MUC5AC: variants seen among roughly 807,000 people sequenced by gnomAD.
MUC5AC encodes the protein mucin-5AC.
MUC5AC carries 158 observed loss-of-function variants against 169.7 expected under a neutral mutation model. The observed-to-expected ratio is 0.93, with a 90% confidence interval of 0.82 to 1.06. The LOEUF (loss-of-function observed/expected upper bound fraction) is 1.06, where lower values mean the gene tolerates loss of function less well. Ranked by LOEUF, MUC5AC falls within the 50% of genes least tolerant of loss-of-function variation. The pLI is 0.00. For synonymous variants in MUC5AC, 1,975 were observed against 1,237.0 expected, an observed-to-expected ratio of 1.60 and a Z score of -12.52; for missense variants, 4,359 against 3,089.9, an observed-to-expected ratio of 1.41 and a Z score of -9.74.
intron 40 of MUC5AC, among the ~76,000 whole-genome samples, 188 bp from the exon 41 acceptor site, chr11:1,197,280 C>A (rs981623181): frequency 5.3e-5 from 8 of 152,218 alleles, no homozygotes; most frequent in Non-Finnish European, 1.2e-4. Context: ...AGCCTGCCCA[C>A]CTTGCAGAGC....
At chr11:1,160,113 T>C (rs1860094805) in intron 1 of MUC5AC, among the ~76,000 whole-genome samples, 1 of 152,144 alleles carries the variant, frequency 6.6e-6, no homozygotes. Context: ...GGTGACATTC[T>C]GCACATTAGC....
In MUC5AC at chr11:1,168,977, C is replaced by A. The variant is rs372571340; in HGVS notation, c.1821C>A (p.Pro607=). The A allele has an allele frequency of 6.2e-7, 1 of 1,610,348 alleles. No individual in the cohort carries two copies. Among genetic ancestry groups the A allele is most frequent in the African/African-American group, 1.3e-5 (1 of 74,872 alleles). ...CCTTCAAGACCCAGGCCGCCTGCCC[C>A]AACATCAGGAACAGCTTCGAGGACC... ...FNTFKTQAAC[P]NIRNSFEDPC... is the part of the protein sequence containing the mutation. Residue 607 remains proline, a synonymous_variant, in exon 15 of 49, where the codon CCC becomes CCA. Coordinates refer to ENST00000621226, the MANE Select transcript of MUC5AC (RefSeq NM_001304359.2).
intron 3 of MUC5AC, 139 bp from the exon 4 acceptor site, chr11:1,161,768 G>T: frequency 7.4e-7 from 1 of 1,360,176 alleles, no homozygotes; most frequent in Non-Finnish European, 9.8e-7. Flanking sequence ...GATGCAGGAA[G>T]GACCCCTGGG....
In MUC5AC at chr11:1,175,011, G is replaced by A. The variant is rs1860637865; in HGVS notation, c.2222G>A (p.Cys741Tyr). 4.9e-6 allele frequency: 2 copies of A among 404,270 alleles called. No individual in the cohort carries two copies. Among genetic ancestry groups the A allele is most frequent in the Non-Finnish European group, 8.7e-6 (2 of 229,640 alleles). 25.0% of individuals were successfully genotyped at this position (404,270 alleles called of 1,614,324 possible). A position where few individuals can be genotyped will look rare whatever the true frequency, so the allele number is the denominator to read the frequency against. ...GTTGGCTTCATCCCCGTGGATGGCT[G>A]CATCTGTCCCAAGGGCACCTTCCTG... ...CSVGFIPVDG[C>Y]ICPKGTFLDD... Residue 741 changes from cysteine to tyrosine, a missense_variant, in exon 18 of 49, where the codon TGC becomes TAC. By Grantham distance (194) the Cys-to-Tyr change is radical (BLOSUM62 -2). Coordinates refer to ENST00000621226, the MANE Select transcript of MUC5AC (RefSeq NM_001304359.2).
chr11:1,174,599 G>C lies in MUC5AC; in HGVS notation c.2069G>C (p.Gly690Ala). ...HACAAKGVQL[G>A]GWRDGVCTKP... is the part of the protein sequence containing the mutation. ...TGTGCCGCCAAGGGCGTGCAGCTCG[G>C]CGGCTGGAGGGACGGCGTCTGCAGT... Residue 690 changes from glycine to alanine, a missense_variant, in exon 17 of 49, where the codon GGC (glycine) becomes GCC (alanine). Coordinates refer to ENST00000621226, the MANE Select transcript of MUC5AC (RefSeq NM_001304359.2). The C allele has an allele frequency of 7.3e-7, 1 of 1,371,740 alleles. No homozygotes were observed. The highest frequency in any genetic ancestry group is 1.0e-6 in the Non-Finnish European group (1 of 996,624). 85.0% of individuals were successfully genotyped at this position (1,371,740 alleles called of 1,614,324 possible).
At chr11:1,168,600 C>A (rs34974357) in intron 13 of MUC5AC, 42 bp from the exon 14 acceptor site, 300,223 of 1,612,054 alleles carry the variant, frequency 0.19, 30,426 homozygotes, top group Non-Finnish European at 0.21. Flanking sequence ...TGGGGTCCCG[C>A]CCCACAGCCC....
At chr11:1,171,264 AC>A (rs1860516027) in intron 15 of MUC5AC, among the ~76,000 whole-genome samples, 1 of 98,416 alleles carries the variant, frequency 1.0e-5, no homozygotes, top group African/African-American at 3.9e-5. Context: ...CCACTCACCC[AC>A]TCACTCACCC....
chr11:1,182,494 C>T lies in MUC5AC; in HGVS notation c.4349C>T (p.Pro1450Leu), dbSNP rs987082883. The change falls in exon 31 of 49, where the codon CCG becomes CTG. Residue 1450 changes from proline (P) to leucine (L), a missense_variant. Transcript: ENST00000621226. ...RALGQRVQCS[P>L]DVGLTCRNRE... ...CTGGGGCAGCGTGTGCAGTGCAGCCCGGATGTGGGGCTGACCTGTCGTAAC... is the reference window on the plus strand; with the variant it reads ...CTGGGGCAGCGTGTGCAGTGCAGCCTGGATGTGGGGCTGACCTGTCGTAAC... 94 of 398,640 alleles carry T rather than the reference C, an allele frequency of 2.4e-4. No individual in the cohort carries two copies. Among genetic ancestry groups the T allele is most frequent in the African/African-American group, 1.7e-3 (83 of 48,722 alleles). 24.7% of individuals were successfully genotyped at this position (398,640 alleles called of 1,614,324 possible).
At chr11:1,196,742 T>A in intron 39 of MUC5AC, 22 bp downstream of exon 39, 1 of 741,820 alleles carries the variant, frequency 1.3e-6, no homozygotes, top group South Asian at 1.4e-5. Flanking sequence ...AGGCCGGGGC[T>A]GGGGGGTGTG....
chr11:1,160,597 C>G lies in MUC5AC; in HGVS notation c.74-15C>G, dbSNP rs921215709. Reference sequence around the variant, plus strand: ...CACCCTGCATCTGGGCTCAGCCCCCCTCCTCTTTCTGCAGGCCATGCCCAG... The same window carrying G: ...CACCCTGCATCTGGGCTCAGCCCCCGTCCTCTTTCTGCAGGCCATGCCCAG... On this transcript the variant is annotated splice_polypyrimidine_tract_variant and intron_variant, in intron 1 of 48. Coordinates refer to ENST00000621226, the MANE Select transcript of MUC5AC (RefSeq NM_001304359.2). 1 of 1,602,782 alleles carries G rather than the reference C, an allele frequency of 6.2e-7. No homozygotes were observed. Among genetic ancestry groups the G allele is most frequent in the African/African-American group, 1.3e-5 (1 of 74,804 alleles).
intron 3 of MUC5AC, 98 bp downstream of exon 3, chr11:1,161,684 T>C: frequency 1.6e-5 from 22 of 1,390,966 alleles, no homozygotes; most frequent in Non-Finnish European, 2.1e-5. Context: ...GCCCCAGCTT[T>C]CCGGGTGAAC....
intron 11 of MUC5AC, among the ~76,000 whole-genome samples, chr11:1,166,824 AAC>A (rs1424723743): frequency 4.9e-5 from 5 of 101,286 alleles, no homozygotes. Flanking sequence ...CCCTGCACCC[AAC>A]ACACAGTTTC....
At chr11:1,165,790 G>C in intron 11 of MUC5AC, 30 bp downstream of exon 11, 1 of 1,609,120 alleles carries the variant, frequency 6.2e-7, no homozygotes, top group Non-Finnish European at 8.5e-7. Context: ...GGTGCTCGCC[G>C]GACAGAGGGG....
chr11:1,175,848 C>CTTATGCAACACTCACACAG (rs1860668813), intron 19 of MUC5AC, among the ~76,000 whole-genome samples: 5 of 132,620 alleles, frequency 3.8e-5, no homozygotes, highest in African/African-American at 1.2e-4. Context: ...CACTCACACA[C>CTTATGCAACACTCACACAG]CCACTTATGG....
chr11:1,184,577 C>T lies in MUC5AC; in HGVS notation c.6432C>T (p.Asn2144=), dbSNP rs1456347548. Residue 2144 remains asparagine (N), a synonymous_variant, in exon 31 of 49, where the codon AAC becomes AAT. Transcript: ENST00000621226. Reference sequence around the variant, plus strand: ...ATGGTGGAGACAAGGAAACCTACAACAACATCATCAGGAGTGGGGAAAAAA... The same window carrying T: ...ATGGTGGAGACAAGGAAACCTACAATAACATCATCAGGAGTGGGGAAAAAA... The part of the protein sequence containing the change: ...GPHGGDKETY[N]NIIRSGEKIC... 5 of 625,594 alleles carry T rather than the reference C, an allele frequency of 8.0e-6. No individual in the cohort carries two copies. The African/African-American group carries it at 9.1e-5, about 11-fold the overall frequency. The allele number at this position is 625,594 out of a possible 1,614,324, so 38.8% of individuals were successfully genotyped here.
At chr11:1,158,387 C>T (rs1292925257) in intron 1 of MUC5AC, among the ~76,000 whole-genome samples, 1 of 152,214 alleles carries the variant, frequency 6.6e-6, no homozygotes, top group Admixed American at 6.5e-5. Context: ...AGCACCTGGC[C>T]CACAGTATCT....
chr11:1,165,654 A>T lies in MUC5AC; in HGVS notation c.1280A>T (p.Glu427Val), dbSNP rs761622969. ...TCSGGRWSCQEVPCPGTCSVL... is the reference protein window; with the variant it reads ...TCSGGRWSCQVVPCPGTCSVL... ...TCCGGAGGCCGGTGGAGCTGCCAGG[A>T]GGTTCCATGCCCGGGTACCTGCTCT... Residue 427 changes from glutamate to valine, a missense_variant, in exon 11 of 49, where the codon GAG becomes GTG. Glu to Val is a moderately radical substitution (Grantham distance 121, BLOSUM62 -2). Transcript: ENST00000621226. The T allele has an allele frequency of 6.2e-7, 1 of 1,612,426 alleles. No homozygotes were observed. Among genetic ancestry groups the T allele is most frequent in the Admixed American group, 1.7e-5 (1 of 60,012 alleles).
At position 1,182,462 on chromosome 11, in the gene MUC5AC, C is replaced by G. The variant is rs1367188009; in HGVS notation, c.4317C>G (p.Leu1439=). 5 of 398,602 alleles carry G rather than the reference C, an allele frequency of 1.3e-5. No homozygotes were observed. Among genetic ancestry groups the G allele is most frequent in the Non-Finnish European group, 2.2e-5 (5 of 226,128 alleles). The allele number at this position is 398,602 out of a possible 1,614,324, so 24.7% of individuals were successfully genotyped here. The stretch of plus-strand genomic sequence containing the variant: ...CTGAGGACGCCCCCGGAGTGCCGCT[C>G]CGAGCCCTGGGGCAGCGTGTGCAGT... The part of the protein sequence containing the change: ...CRAEDAPGVP[L]RALGQRVQCS... Residue 1439 remains leucine, a synonymous_variant, in exon 31 of 49, where the codon CTC becomes CTG. Transcript: ENST00000621226.
At position 1,191,955 on chromosome 11, in the gene MUC5AC, G is replaced by A. The variant is rs778315729; in HGVS notation, c.13810G>A (p.Val4604Ile). Residue 4604 changes from valine (V) to isoleucine (I), a missense_variant, in exon 31 of 49, where the codon GTT (valine) becomes ATT (isoleucine). By Grantham distance (29) the Val-to-Ile change is conservative. Transcript: ENST00000621226. Reference protein sequence around the residue: ...SPVPTTSTTPVSKTSTSHLSV... With the variant: ...SPVPTTSTTPISKTSTSHLSV... ...CGTTCCCACCACCAGCACAACCCCT[G>A]TTTCAAAGACCAGCACAAGCCATCT... The A allele has an allele frequency of 1.3e-6, 1 of 765,214 alleles. No homozygotes were observed. Among genetic ancestry groups the A allele is most frequent in the South Asian group, 1.3e-5 (1 of 74,608 alleles). The allele number at this position is 765,214 out of a possible 1,614,324, so 47.4% of individuals were successfully genotyped here. A position where few individuals can be genotyped will look rare whatever the true frequency, so the allele number is the denominator to read the frequency against.
Sources: gnomAD v4.1 joint callset for allele counts (sites outside exome capture counted in the v4.1 genomes callset) on GRCh38, gnomAD v4.1.1 for gene constraint, MANE v1.5 for transcripts, NCBI Gene and HGNC (gene_info 2026-07-23, HGNC 2026-07-21) for gene names.